The following DHRSX variants were observed in gnomAD, a reference collection of about 807,000 sequenced individuals.
DHRSX encodes dehydrogenase/reductase X-linked.
DHRSX carries 31 observed loss-of-function variants against 34.0 expected under a neutral mutation model. The observed-to-expected ratio is 0.91, with a 90% CI of 0.69 to 1.23. The LOEUF is 1.23. Ranked by LOEUF, DHRSX falls within the 50% of genes most tolerant of loss-of-function variation. The pLI is 0.00. For synonymous variants in DHRSX, 201 were observed against 183.8 expected, an observed-to-expected ratio of 1.09 and a Z score of -0.76; for missense variants, 414 against 428.1, an observed-to-expected ratio of 0.97 and a Z score of 0.29.
At chrX:2,307,875 A>G (rs1037729130) in intron 3 of DHRSX, among the ~76,000 whole-genome samples, 3 of 152,018 alleles carry the variant, frequency 2.0e-5, no homozygotes, top group Admixed American at 6.6e-5. Flanking sequence ...TGATCTGCGC[A>G]TAGGACACAG....
chrX:2,484,611 T>C (rs1290747664), intron 1 of DHRSX, among the ~76,000 whole-genome samples: 4 of 152,170 alleles, frequency 2.6e-5, no homozygotes, highest in Admixed American at 2.0e-4. Context: ...CAGACGGTCC[T>C]GTGAGAGTTT....
chrX:2,492,931 T>C (rs1328708092), intron 1 of DHRSX, among the ~76,000 whole-genome samples: 1 of 152,194 alleles, frequency 6.6e-6, no homozygotes, highest in Non-Finnish European at 1.5e-5. Context: ...GTGGAGGTCT[T>C]AGAAAGGCCC....
chrX:2,473,688 ACCCCGGG>A (rs1285580830), intron 1 of DHRSX, among the ~76,000 whole-genome samples: 2 of 139,316 alleles, frequency 1.4e-5, no homozygotes, highest in African/African-American at 3.0e-5. Flanking sequence ...AGCCCCTTCC[ACCCCGGG>A]CCCCGGAAAT....
intron 3 of DHRSX, among the ~76,000 whole-genome samples, chrX:2,384,974 G>A (rs1357112955): frequency 2.6e-5 from 4 of 151,148 alleles, no homozygotes; most frequent in Admixed American, 6.6e-5. Context: ...CATTTGCTGC[G>A]CACCTGTAGT....
At chrX:2,441,333 C>T (rs1479692902) in intron 1 of DHRSX, among the ~76,000 whole-genome samples, 2 of 152,136 alleles carry the variant, frequency 1.3e-5, no homozygotes, top group African/African-American at 4.8e-5. Flanking sequence ...TGTGTTTTGA[C>T]GTGTCTTCAA....
chrX:2,454,692 C>T (rs920412887), intron 1 of DHRSX, among the ~76,000 whole-genome samples: 3 of 152,114 alleles, frequency 2.0e-5, no homozygotes, highest in Non-Finnish European at 4.4e-5. Context: ...AGGCCAACAC[C>T]ATTCTAATAG....
intron 3 of DHRSX, among the ~76,000 whole-genome samples, chrX:2,304,249 A>G (rs1396811549): frequency 2.8e-4 from 31 of 111,790 alleles, no homozygotes; most frequent in South Asian, 3.5e-4. Flanking sequence ...GGATAAATGG[A>G]TGGATGGATG....
intron 1 of DHRSX, among the ~76,000 whole-genome samples, chrX:2,473,572 G>A (rs773232544): frequency 1.4e-5 from 2 of 144,890 alleles, no homozygotes; most frequent in Non-Finnish European, 3.0e-5. Context: ...ACAGTGAGCC[G>A]AGATCCCTCC....
At chrX:2,419,493 A>T in intron 2 of DHRSX, among the ~76,000 whole-genome samples, 1 of 152,304 alleles carries the variant, frequency 6.6e-6, no homozygotes, top group Middle Eastern at 3.4e-3. Flanking sequence ...ATTATAAATC[A>T]TGCTGCTATA....
At chrX:2,269,743 T>C (rs894598327) in intron 4 of DHRSX, among the ~76,000 whole-genome samples, 2 of 152,188 alleles carry the variant, frequency 1.3e-5, no homozygotes, top group Admixed American at 6.6e-5. Context: ...TTTTGCCATG[T>C]TGGCCAGGCT....
At chrX:2,370,696 CT>C in intron 3 of DHRSX, among the ~76,000 whole-genome samples, 1 of 151,990 alleles carries the variant, frequency 6.6e-6, no homozygotes, top group Non-Finnish European at 1.5e-5. Context: ...TTATTTGCCC[CT>C]TCAGGGATGG....
chrX:2,302,447 A>G (rs933670171), intron 3 of DHRSX, among the ~76,000 whole-genome samples: 5 of 152,042 alleles, frequency 3.3e-5, no homozygotes, highest in Non-Finnish European at 7.4e-5. Context: ...CTGCATCTCT[A>G]CTAAAAATAC....
At position 2,348,930 on chromosome X, in the gene DHRSX, G is replaced by A. The variant is rs1294290048; in HGVS notation, c.287-57327C>T. On this transcript the variant is annotated intron_variant, in intron 3 of 6. Transcript: ENST00000334651. Reference sequence around the variant, plus strand: ...GCTGGTCTCAAACTCCTGACCTCAGGTGCTCCGCTTGCCTCAGCCTCCCAA... The same window carrying A: ...GCTGGTCTCAAACTCCTGACCTCAGATGCTCCGCTTGCCTCAGCCTCCCAA... Among the ~76,000 whole-genome samples, 13 of 152,092 alleles carry A rather than the reference G, an allele frequency of 8.5e-5. No individual in the cohort carries two copies. In the East Asian group the frequency reaches 2.3e-3, roughly 27 times the overall value.
chrX:2,354,738 G>A (rs1459529201), intron 3 of DHRSX, among the ~76,000 whole-genome samples: 2 of 152,134 alleles, frequency 1.3e-5, no homozygotes, highest in African/African-American at 4.8e-5. Flanking sequence ...GGGACTACAG[G>A]TGTAAGCCAC....
rs764129543 is a variant in DHRSX at position 2,408,953 on chromosome X, G to A, written c.218-140C>T. 2.8e-5 allele frequency: 21 copies of A among 747,266 alleles called. No individual in the cohort carries two copies. The African/African-American group carries it at 2.9e-4, about 10-fold the overall frequency. The allele number at this position is 747,266 out of a possible 1,614,324, so 46.3% of individuals were successfully genotyped here. A position where few individuals can be genotyped will look rare whatever the true frequency, so the allele number is the denominator to read the frequency against. On this transcript the variant is annotated intron_variant, in intron 2 of 6. Transcript: ENST00000334651. ...TTTGATGGACTTTCCCTTTATCCTA[G>A]CGTCTAACTTGACAGCCATTTTGGC...
At chrX:2,405,211 G>A (rs1378272439) in intron 3 of DHRSX, among the ~76,000 whole-genome samples, 8 of 152,238 alleles carry the variant, frequency 5.3e-5, no homozygotes, top group South Asian at 2.1e-4. Flanking sequence ...AATCAAGGCC[G>A]GGCGCGGTGG....
rs760589196 is a variant in DHRSX at position 2,243,105 on chromosome X, C to A, written c.722G>T (p.Gly241Val). Residue 241 changes from glycine to valine, a missense_variant, in exon 6 of 7, where the codon GGG becomes GTG. By Grantham distance (109) the Gly-to-Val change is moderately radical. Transcript: ENST00000334651. ...SHVTANVVDP[G>V]VVNTDVYKHV... ...CTTGTAGACGTCCGTGTTGACCACC[C>A]CGGGGTCCACCACGTTGGCGGTCAC... 3 of 1,613,882 alleles carry A rather than the reference C, an allele frequency of 1.9e-6. No homozygotes were observed. In the Admixed American group the frequency reaches 5.0e-5, roughly 27 times the overall value.
intron 1 of DHRSX, among the ~76,000 whole-genome samples, chrX:2,463,019 C>G (rs2044424260): frequency 6.6e-6 from 1 of 152,062 alleles, no homozygotes; most frequent in South Asian, 2.1e-4. Flanking sequence ...CCCCAGAGAG[C>G]TCCCTCGCCC....
chrX:2,320,123 C>T (rs1264268417), intron 3 of DHRSX, among the ~76,000 whole-genome samples: 1 of 151,558 alleles, frequency 6.6e-6, no homozygotes, highest in Non-Finnish European at 1.5e-5. Context: ...GCCACTGTGC[C>T]CGGCCGGGTC....
Sources: gnomAD v4.1 joint callset for allele counts (sites outside exome capture counted in the v4.1 genomes callset) on GRCh38, gnomAD v4.1.1 for gene constraint, MANE v1.5 for transcripts, NCBI Gene and HGNC (gene_info 2026-07-23, HGNC 2026-07-21) for gene names.